ZNF688: variants seen among roughly 807,000 people sequenced by gnomAD.
ZNF688 encodes zinc finger protein 688.
ZNF688 carries 10 observed loss-of-function variants against 13.2 expected under a neutral mutation model. The observed-to-expected ratio is 0.76, with a 90% confidence interval of 0.47 to 1.28. ZNF688 has a LOEUF of 1.28. Among genes scored for constraint, ZNF688 ranks in the 50% most tolerant of loss-of-function variants. The pLI is 0.00. For synonymous variants in ZNF688, 160 were observed against 159.4 expected, an observed-to-expected ratio of 1.00 and a Z score of -0.03; for missense variants, 381 against 391.4, an observed-to-expected ratio of 0.97 and a Z score of 0.22.
At chr16:30,572,456 T>C, upstream of ZNF688, 1 of 566,306 alleles carries the variant, frequency 1.8e-6, no homozygotes, top group Non-Finnish European at 2.7e-6. Context: ...ACCCAGCCCC[T>C]GGCATCCGCA....
the ZNF688 span, chr16:30,578,713 T>G: frequency 6.6e-6 from 1 of 152,014 alleles, no homozygotes; most frequent in African/African-American, 2.4e-5. Context: ...TTTTTTTTAG[T>G]AGAGACAGGG....
Position 30,570,226 on chromosome 16 carries a change from ATGCTGGGTATGGG to A in ZNF688, c.508_520del (p.Pro170TrpfsTer163). 6.2e-7 allele frequency: 1 copy of A among 1,613,412 alleles called. No homozygotes were observed. Among genetic ancestry groups the A allele is most frequent in the Non-Finnish European group, 8.5e-7 (1 of 1,179,826 alleles). On this transcript the variant is annotated frameshift_variant, in exon 3 of 3. Coordinates refer to ENST00000223459, the MANE Select transcript of ZNF688 (RefSeq NM_145271.4). LOFTEE classifies it low-confidence loss of function (END_TRUNC). ...GCGCCGCTGGCCGGCCTGAGCATCC[ATGCTGGGTATGGG>A]TGCCGGGGGCTGTGCTCCTGTGGTC...
upstream of ZNF688, among the ~76,000 whole-genome samples, chr16:30,575,248 C>CTCT (rs1212543547): frequency 4.3e-5 from 6 of 139,886 alleles, no homozygotes; most frequent in African/African-American, 1.6e-4. Context: ...CATGGTAGTT[C>CTCT]TTTTTTTTTT....
In ZNF688 at chr16:30,571,440, C is replaced by T. The variant is rs372172825; in HGVS notation, c.190G>A (p.Ala64Thr). ...TCGGACCCGGGGCTCTCACCGAGCGCGCCCAGGTGGCCGTAGGTCTCCTGC... is the reference window on the plus strand; with the variant it reads ...TCGGACCCGGGGCTCTCACCGAGCGTGCCCAGGTGGCCGTAGGTCTCCTGC... ...VMQETYGHLG[A>T]LGFPGPKPAL... Residue 64 changes from alanine to threonine, a missense_variant, in exon 1 of 3, where the codon GCG (alanine) becomes ACG (threonine). By Grantham distance (58) the Ala-to-Thr change is moderately conservative. Coordinates refer to ENST00000223459, the MANE Select transcript of ZNF688 (RefSeq NM_145271.4). 1.3e-6 allele frequency: 2 copies of T among 1,569,542 alleles called. No individual in the cohort carries two copies. Among genetic ancestry groups the T allele is most frequent in the African/African-American group, 1.4e-5 (1 of 73,776 alleles).
chr16:30,571,758 G>A, upstream of ZNF688: 2 of 1,335,630 alleles, frequency 1.5e-6, no homozygotes, highest in Non-Finnish European at 9.5e-7. Flanking sequence ...CGCAGCCGAG[G>A]CAACCGAAGT....
upstream of ZNF688, chr16:30,571,912 C>G: frequency 2.3e-6 from 3 of 1,281,922 alleles, no homozygotes; most frequent in Non-Finnish European, 2.9e-6. Context: ...GGCGACCACC[C>G]TTCAATTGTC....
At chr16:30,575,256 T>C (rs945213348), upstream of ZNF688, among the ~76,000 whole-genome samples, 1 of 151,966 alleles carries the variant, frequency 6.6e-6, no homozygotes, top group Non-Finnish European at 1.5e-5. Context: ...TTCTTTTTTT[T>C]TTTTTTTGAG....
Position 30,571,698 on chromosome 16 carries a change from G to C in ZNF688, c.-69C>G. On this transcript the variant is annotated 5_prime_UTR_variant, in exon 1 of 3. Transcript: ENST00000223459. ...CGCCGCCTCCCCGCTCCCGGCCTCA[G>C]CTGTCGTTGTCCACAGGAAGGGCGG... 7.4e-7 allele frequency: 1 copy of C among 1,359,314 alleles called. No individual in the cohort carries two copies. Among genetic ancestry groups the C allele is most frequent in the East Asian group, 3.0e-5 (1 of 33,086 alleles). 84.2% of individuals were successfully genotyped at this position (1,359,314 alleles called of 1,614,324 possible).
chr16:30,579,232 A>G, the ZNF688 span: 2 of 152,962 alleles, frequency 1.3e-5, no homozygotes, highest in Non-Finnish European at 2.9e-5. Context: ...GCAGATTGAC[A>G]TGTGTAAAAC....
At chr16:30,576,172 T>C (rs545478127), upstream of ZNF688, among the ~76,000 whole-genome samples, 3 of 152,084 alleles carry the variant, frequency 2.0e-5, no homozygotes, top group East Asian at 3.9e-4. Flanking sequence ...CTCAGCCTCC[T>C]GAGTAGCTGG....
upstream of ZNF688, chr16:30,572,332 G>C (rs2051701022): frequency 1.0e-5 from 14 of 1,390,610 alleles, no homozygotes; most frequent in Non-Finnish European, 1.3e-5. Context: ...CCGATGGCGG[G>C]AGCTGGAATT....
upstream of ZNF688, chr16:30,572,433 A>G (rs2051702126): frequency 6.4e-6 from 5 of 779,434 alleles, no homozygotes; most frequent in Middle Eastern, 4.3e-4. Flanking sequence ...ACAGTAGCTT[A>G]GCTGCGGAGT....
chr16:30,576,122 A>G (rs2051743809), upstream of ZNF688, among the ~76,000 whole-genome samples: 1 of 151,972 alleles, frequency 6.6e-6, no homozygotes, highest in Non-Finnish European at 1.5e-5. Flanking sequence ...ACCTCAGCTC[A>G]CTGCAACCTC....
chr16:30,574,555 AAAAC>A (rs1297337131), upstream of ZNF688, among the ~76,000 whole-genome samples: 40 of 152,188 alleles, frequency 2.6e-4, no homozygotes, highest in African/African-American at 7.7e-4. Context: ...AAAAAAAAAA[AAAAC>A]AAACAAAACA....
chr16:30,571,482 G>C lies in ZNF688; in HGVS notation c.148C>G (p.Leu50Val). Residue 50 changes from leucine (L) to valine (V), a missense_variant, in exon 1 of 3, where the codon CTG (leucine) becomes GTG (valine). Physicochemically the swap from Leu to Val is conservative, Grantham distance 32 (BLOSUM62 1). Coordinates refer to ENST00000223459, the MANE Select transcript of ZNF688 (RefSeq NM_145271.4). ...GTCTCCTGCATCACGTCCCGGTACAGAGCCCTCTGCGCGGGCCGCAGACAG... is the reference window on the plus strand; with the variant it reads ...GTCTCCTGCATCACGTCCCGGTACACAGCCCTCTGCGCGGGCCGCAGACAG... Reference protein sequence around the residue: ...WGCLRPAQRALYRDVMQETYG... With the variant: ...WGCLRPAQRAVYRDVMQETYG... The C allele has an allele frequency of 6.3e-7, 1 of 1,590,652 alleles. No homozygotes were observed.
At chr16:30,572,120 AC>A (rs754284402), upstream of ZNF688, 2 of 1,581,964 alleles carry the variant, frequency 1.3e-6, no homozygotes, top group Admixed American at 1.8e-5. Context: ...AGCTTCACTT[AC>A]CCCTCTGTAC....
rs151068577 is a variant in ZNF688, at chr16:30,570,195, C to T, written c.552G>A (p.Val184=). 6.6e-4 allele frequency: 1,066 copies of T among 1,611,736 alleles called. 2 individuals are homozygous for T. Among genetic ancestry groups the T allele is most frequent in the Non-Finnish European group, 8.1e-4 (959 of 1,179,298 alleles). ...TGAAGCGGCGGCCGCAGTCCGTGCA[C>T]ACGTGGCGCCGCTGGCCGGCCTGAG... The part of the protein sequence containing the change: ...MDAQAGQRRH[V]CTDCGRRFTY... The change falls in exon 3 of 3, where the codon GTG becomes GTA. Residue 184 remains valine (V), a synonymous_variant. Coordinates refer to ENST00000223459, the MANE Select transcript of ZNF688 (RefSeq NM_145271.4).
chr16:30,575,395 C>T (rs1303454024), upstream of ZNF688, among the ~76,000 whole-genome samples: 1 of 150,588 alleles, frequency 6.6e-6, no homozygotes, highest in Non-Finnish European at 1.5e-5. Flanking sequence ...TACAGGCACC[C>T]TCCATCACAC....
chr16:30,575,518 T>C (rs926164651), upstream of ZNF688, among the ~76,000 whole-genome samples: 2 of 152,206 alleles, frequency 1.3e-5, no homozygotes, highest in African/African-American at 4.8e-5. Flanking sequence ...AGTGCTGGGA[T>C]TACAGGTGTG....
Sources: gnomAD v4.1 joint callset for allele counts (sites outside exome capture counted in the v4.1 genomes callset) on GRCh38, gnomAD v4.1.1 for gene constraint, MANE v1.5 for transcripts, NCBI Gene and HGNC (gene_info 2026-07-23, HGNC 2026-07-21) for gene names.